POGZ: variants seen among roughly 807,000 people sequenced by gnomAD.
POGZ encodes pogo transposable element derived with ZNF domain.
POGZ carries 17 observed loss-of-function variants against 134.6 expected under a neutral mutation model. That is an observed-to-expected ratio of 0.13 (90% confidence interval 0.09 to 0.19). The LOEUF (loss-of-function observed/expected upper bound fraction) is 0.19. POGZ is among the 10% of genes least tolerant of loss of function. The probability of loss-of-function intolerance (pLI) is 1.00; values close to 1 mark genes in which losing one functional copy is unlikely to be tolerated. For missense variants in POGZ, 1,306 were observed against 1,769.7 expected (o/e 0.74, Z 4.70); for synonymous variants, 693 against 657.1 (o/e 1.05, Z -0.84).
intron 3 of POGZ, among the ~76,000 whole-genome samples, chr1:151,440,331 G>A (rs1660328603): frequency 6.6e-6 from 1 of 151,878 alleles, no homozygotes; most frequent in African/African-American, 2.4e-5. Context: ...GCCTACTTCA[G>A]TTATGAATCT....
At chr1:151,411,309 A>G (rs753301792) in intron 12 of POGZ, among the ~76,000 whole-genome samples, 19 of 152,088 alleles carry the variant, frequency 1.2e-4, no homozygotes, top group Non-Finnish European at 2.4e-4. Context: ...ATTCTTATTC[A>G]TCCCTCAGGT....
chr1:151,451,397 G>C (rs565875026), intron 1 of POGZ, among the ~76,000 whole-genome samples: 1 of 151,882 alleles, frequency 6.6e-6, no homozygotes, highest in Non-Finnish European at 1.5e-5. Context: ...CGCGATCTCA[G>C]CTCACTGCAA....
chr1:151,408,250 A>AG lies in POGZ; in HGVS notation c.2235-11_2235-10insC, dbSNP rs1491009182. ...CCGGCCCATGACACTCCTGTGGGGG[A>AG]AAAAAAAAAAGAATTCTCATTACTG... is the stretch of plus-strand genomic sequence containing the variant. On this transcript the variant is annotated splice_polypyrimidine_tract_variant and intron_variant, in intron 14 of 18. Coordinates refer to ENST00000271715, the MANE Select transcript of POGZ (RefSeq NM_015100.4). 2.0e-5 allele frequency: 17 copies of AG among 855,026 alleles called. No individual in the cohort carries two copies. The highest frequency in any genetic ancestry group is 5.0e-5 in the East Asian group (1 of 20,138). The allele number at this position is 855,026 out of a possible 1,614,324, so 53.0% of individuals were successfully genotyped here.
In POGZ at chr1:151,427,694, G is replaced by A; in HGVS notation, c.1078+129C>T. On this transcript the variant is annotated intron_variant, in intron 7 of 18. Transcript: ENST00000271715. ...TGGCTTTCTCCTTACTAAAGTTTCT[G>A]TAAGAACAAACTACAGCAGCTGTAT... The A allele has an allele frequency of 4.4e-6, 3 of 682,984 alleles. No homozygotes were observed. The South Asian group carries it at 5.9e-5, about 13-fold the overall frequency. 42.3% of individuals were successfully genotyped at this position (682,984 alleles called of 1,614,324 possible). A position where few individuals can be genotyped will look rare whatever the true frequency, so the allele number is the denominator to read the frequency against.
chr1:151,458,188 G>A (rs1268236866), intron 1 of POGZ, among the ~76,000 whole-genome samples: 1 of 152,120 alleles, frequency 6.6e-6, no homozygotes, highest in African/African-American at 2.4e-5. Flanking sequence ...CCCACATCTG[G>A]AGAGGAAGGA....
intron 1 of POGZ, among the ~76,000 whole-genome samples, chr1:151,456,658 CTT>C (rs1662808583): frequency 6.6e-6 from 1 of 152,162 alleles, no homozygotes; most frequent in Admixed American, 6.5e-5. Context: ...AAAGCTAAGA[CTT>C]AATAATAATA....
intron 10 of POGZ, among the ~76,000 whole-genome samples, chr1:151,417,452 C>A (rs1166607022): frequency 5.9e-5 from 9 of 151,782 alleles, no homozygotes; most frequent in Non-Finnish European, 1.0e-4. Context: ...CCTCCGCCTC[C>A]CGGGTTCAAG....
Position 151,403,916 on chromosome 1 carries a change from T to C in POGZ, c.*886A>G, listed in dbSNP as rs578035903. ...CTGGGAATGGCTTCCACCCTAAAAC[T>C]GTTTGATCGCTTCAGTATCTCTTGC... On this transcript the variant is annotated 3_prime_UTR_variant, in exon 19 of 19. Transcript: ENST00000271715. 2.1e-4 allele frequency: 205 copies of C among 985,438 alleles called. 1 individual carries two copies. In the Middle Eastern group the frequency reaches 4.2e-3, roughly 20 times the overall value. The allele number at this position is 985,438 out of a possible 1,614,324, so 61.0% of individuals were successfully genotyped here. A position where few individuals can be genotyped will look rare whatever the true frequency, so the allele number is the denominator to read the frequency against.
chr1:151,446,866 G>A (rs1661353996), intron 1 of POGZ, among the ~76,000 whole-genome samples: 1 of 150,610 alleles, frequency 6.6e-6, no homozygotes, highest in African/African-American at 2.4e-5. Flanking sequence ...AATCAAAATT[G>A]TAGTGGTTCC....
At chr1:151,407,637 G>C (rs538292087) in intron 15 of POGZ, among the ~76,000 whole-genome samples, 17 of 152,186 alleles carry the variant, frequency 1.1e-4, no homozygotes, top group Non-Finnish European at 2.2e-4. Context: ...ACTCTGCTAG[G>C]AGAGAAGAAC....
chr1:151,433,606 CAAAAAAAAA>C (rs57509550), intron 3 of POGZ, among the ~76,000 whole-genome samples: 2 of 81,730 alleles, frequency 2.4e-5, no homozygotes, highest in East Asian at 4.0e-4. Context: ...AATTCCGTCT[CAAAAAAAAA>C]AAAAAAAAAA....
chr1:151,429,031 T>A (rs1658247285), intron 5 of POGZ, among the ~76,000 whole-genome samples: 1 of 152,048 alleles, frequency 6.6e-6, no homozygotes. Flanking sequence ...ATTAAGATAC[T>A]CTTTTTTGGT....
intron 15 of POGZ, 92 bp from the exon 16 acceptor site, chr1:151,407,383 C>T (rs1653833074): frequency 1.2e-6 from 1 of 848,776 alleles, no homozygotes; most frequent in South Asian, 1.5e-5. Context: ...ACAAAAGAGA[C>T]ACTTCTTCAG....
At chr1:151,430,173 G>A (rs1280086864) in intron 4 of POGZ, among the ~76,000 whole-genome samples, 2 of 152,152 alleles carry the variant, frequency 1.3e-5, no homozygotes, top group South Asian at 2.1e-4. Context: ...GAAGCCACAG[G>A]CAAAGAGAAG....
chr1:151,457,123 G>A (rs1366934558), intron 1 of POGZ, among the ~76,000 whole-genome samples: 2 of 152,174 alleles, frequency 1.3e-5, no homozygotes, highest in African/African-American at 4.8e-5. Flanking sequence ...CACACTTTGA[G>A]AACTGCTTTC....
In POGZ at chr1:151,428,224, G is replaced by A; in HGVS notation, c.758C>T (p.Pro253Leu). 1 of 1,614,018 alleles carries A rather than the reference G, an allele frequency of 6.2e-7. No individual in the cohort carries two copies. The highest frequency in any genetic ancestry group is 8.5e-7 in the Non-Finnish European group (1 of 1,179,934). The change falls in exon 6 of 19, where the codon CCC (proline) becomes CTC (leucine). Residue 253 changes from proline to leucine, a missense_variant. This residue lies in a region of POGZ where 541 missense variants were observed against 680.5 expected (regional missense o/e 0.80). Coordinates refer to ENST00000271715, the MANE Select transcript of POGZ (RefSeq NM_015100.4). ...QSQSQQTKST[P>L]STSTTPTATQ... ...GGCAGTGGGAGTGGTAGAAGTGCTG[G>A]GAGTGGACTTGGTCTGCTGGGACTG...
intron 10 of POGZ, among the ~76,000 whole-genome samples, chr1:151,414,991 T>G (rs1342329516): frequency 6.6e-6 from 1 of 152,124 alleles, no homozygotes; most frequent in African/African-American, 2.4e-5. Context: ...ACCATCACCC[T>G]CCTTAACACC....
At chr1:151,435,958 C>CTTT (rs58367755) in intron 3 of POGZ, among the ~76,000 whole-genome samples, 8 of 134,806 alleles carry the variant, frequency 5.9e-5, no homozygotes, top group South Asian at 2.3e-4. Flanking sequence ...ATTTTCTTTT[C>CTTT]TTTTTTTTTT....
Position 151,428,289 on chromosome 1 carries a change from G to A in POGZ, c.693C>T (p.Ile231=), listed in dbSNP as rs1658104762. Reference sequence around the variant, plus strand: ...TGCTTCGAATGGTAAGAGTGGCCGGGATGACGGTGGTGAAGGTGTTGGTGG... The same window carrying A: ...TGCTTCGAATGGTAAGAGTGGCCGGAATGACGGTGGTGAAGGTGTTGGTGG... ...RPTTNTFTTV[I]PATLTIRSTV... The change falls in exon 6 of 19, where the codon ATC becomes ATT. Residue 231 remains isoleucine, a synonymous_variant. Coordinates refer to ENST00000271715, the MANE Select transcript of POGZ (RefSeq NM_015100.4). 3.1e-6 allele frequency: 5 copies of A among 1,614,046 alleles called. No individual in the cohort carries two copies. Among genetic ancestry groups the A allele is most frequent in the Non-Finnish European group, 3.4e-6 (4 of 1,180,036 alleles).
Sources: allele counts gnomAD v4.1 joint callset (sites outside exome capture counted in the v4.1 genomes callset), GRCh38; gene constraint gnomAD v4.1.1; regional missense constraint gnomAD v4.1.1; transcripts MANE v1.5; gene names NCBI Gene and HGNC (gene_info 2026-07-23, HGNC 2026-07-21).